KLHL13: variants seen among roughly 807,000 people sequenced by gnomAD.
The protein encoded by KLHL13 is kelch like family member 13, also known as kelch-like protein 13.
In KLHL13, 10 loss-of-function variants were observed where a neutral mutation model predicts 37.1. The observed-to-expected ratio is 0.27, with a 90% CI of 0.17 to 0.46. The LOEUF is 0.46. Among genes scored for constraint, KLHL13 ranks in the 20% least tolerant of loss-of-function variants. KLHL13 has a pLI of 1.00. For missense variants in KLHL13, 360 were observed against 509.3 expected (o/e 0.71, Z 2.82); for synonymous variants, 163 against 181.2 (o/e 0.90, Z 0.81).
chrX:117,996,365 CCT>C (rs1378467630), intron 1 of KLHL13, among the ~76,000 whole-genome samples: 2 of 111,212 alleles, frequency 1.8e-5, no homozygotes, highest in Admixed American at 1.9e-4. Context: ...AAAATCATCC[CCT>C]AATAAGATTT....
intron 1 of KLHL13, among the ~76,000 whole-genome samples, chrX:118,056,553 C>A (rs1178604925): frequency 1.8e-5 from 2 of 111,718 alleles, no homozygotes; most frequent in Non-Finnish European, 3.8e-5. Flanking sequence ...AAAAAAATAC[C>A]TTTTTACCCT....
At chrX:118,109,077 A>G (rs1602731655) in intron 1 of KLHL13, among the ~76,000 whole-genome samples, 1 of 112,116 alleles carries the variant, frequency 8.9e-6, no homozygotes. Flanking sequence ...AGGCGTCCCA[A>G]AGTGTTGGGA....
At chrX:117,987,721 G>A (rs1376802400) in intron 1 of KLHL13, among the ~76,000 whole-genome samples, 1 of 112,028 alleles carries the variant, frequency 8.9e-6, no homozygotes, top group African/African-American at 3.2e-5. Context: ...TGGATTAAAA[G>A]ATTCTGCCAA....
chrX:118,019,056 G>A (rs1356852916), intron 1 of KLHL13, among the ~76,000 whole-genome samples: 3 of 110,333 alleles, frequency 2.7e-5, no homozygotes, highest in Non-Finnish European at 5.7e-5. Context: ...CTTTTTGTGT[G>A]GTAAGAACAT....
chrX:118,021,923 C>T (rs1432483112), intron 1 of KLHL13, among the ~76,000 whole-genome samples: 1 of 111,735 alleles, frequency 8.9e-6, no homozygotes, highest in Non-Finnish European at 1.9e-5. Context: ...TTAATGATCG[C>T]CATTCTAACT....
chrX:117,966,495 T>C (rs1482395567), intron 1 of KLHL13, among the ~76,000 whole-genome samples: 1 of 111,208 alleles, frequency 9.0e-6, no homozygotes, highest in African/African-American at 3.3e-5. Flanking sequence ...CAACATAATT[T>C]ATAGATTCAA....
At position 118,031,552 on chromosome X, in the gene KLHL13, ATATT is replaced by A. The variant is rs1413952694; in HGVS notation, c.-56+84952_-56+84955del. 1.3e-3 allele frequency among the ~76,000 whole-genome samples: 115 copies of A among 87,187 alleles called. 2 individuals carry two copies. The highest frequency in any genetic ancestry group is 5.2e-3 in the African/African-American group (115 of 22,076). 75.7% of individuals were successfully genotyped at this position (87,187 alleles called of 115,157 possible). A position where few individuals can be genotyped will look rare whatever the true frequency, so the allele number is the denominator to read the frequency against. On this transcript the variant is annotated intron_variant, in intron 1 of 6. Coordinates refer to the KLHL13 transcript ENST00000371882. ...AGTTATATATATATTAGTTATATAT[ATATT>A]TAGTTATATATATATTAGTTATATA...
intron 1 of KLHL13, among the ~76,000 whole-genome samples, chrX:118,103,626 G>T (rs1031446702): frequency 2.7e-5 from 3 of 111,576 alleles, no homozygotes; most frequent in African/African-American, 9.8e-5. Context: ...ATTTAATTAT[G>T]TCTGAAGGTC....
At chrX:117,930,261 G>A (rs1932356007) in intron 2 of KLHL13, among the ~76,000 whole-genome samples, 1 of 92,566 alleles carries the variant, frequency 1.1e-5, no homozygotes, top group Admixed American at 1.1e-4. Flanking sequence ...AGGAAGGAAG[G>A]AAGGAAGGAA....
chrX:117,962,073 T>C (rs1220123071), intron 1 of KLHL13, among the ~76,000 whole-genome samples: 4 of 89,690 alleles, frequency 4.5e-5, no homozygotes, highest in Non-Finnish European at 8.3e-5. Context: ...AAGCTGGGTG[T>C]GGTGATGCGT....
intron 5 of KLHL13, among the ~76,000 whole-genome samples, chrX:117,903,672 G>C (rs1204351608): frequency 1.8e-5 from 2 of 110,607 alleles, no homozygotes; most frequent in Non-Finnish European, 3.8e-5. Flanking sequence ...AAAACCTAGT[G>C]CATTGATTGG....
At chrX:118,082,181 C>G (rs1419306888) in intron 1 of KLHL13, among the ~76,000 whole-genome samples, 1 of 110,481 alleles carries the variant, frequency 9.1e-6, no homozygotes, top group Non-Finnish European at 1.9e-5. Flanking sequence ...TTTTTAGGAA[C>G]CTTCACACTA....
chrX:117,960,366 TTC>T (rs2053274567), intron 1 of KLHL13, among the ~76,000 whole-genome samples: 2 of 111,752 alleles, frequency 1.8e-5, no homozygotes, highest in South Asian at 7.6e-4. Context: ...GAAATGCCAC[TTC>T]TGAGGCCATA....
intron 1 of KLHL13, among the ~76,000 whole-genome samples, chrX:118,049,267 A>C (rs2054590451): frequency 8.9e-6 from 1 of 112,020 alleles, no homozygotes; most frequent in Non-Finnish European, 1.9e-5. Flanking sequence ...AACTGACAGA[A>C]AGGATTAGTG....
At chrX:117,938,253 T>C (rs1012059290) in intron 2 of KLHL13, among the ~76,000 whole-genome samples, 6 of 111,703 alleles carry the variant, frequency 5.4e-5, no homozygotes, top group African/African-American at 2.0e-4. Flanking sequence ...ACATATTTCA[T>C]GCAACGATTC....
intron 6 of KLHL13, among the ~76,000 whole-genome samples, chrX:117,900,414 C>T (rs1304643650): frequency 8.9e-6 from 1 of 111,909 alleles, no homozygotes; most frequent in Non-Finnish European, 1.9e-5. Flanking sequence ...CAATATACGC[C>T]AGTTATGCCA....
intron 1 of KLHL13, among the ~76,000 whole-genome samples, chrX:118,026,466 A>G (rs2054275796): frequency 8.9e-6 from 1 of 111,791 alleles, no homozygotes; most frequent in South Asian, 3.7e-4. Context: ...TCAAAGCAAC[A>G]TGAATTCTGC....
intron 1 of KLHL13, among the ~76,000 whole-genome samples, chrX:118,069,881 TG>T (rs1314842778): frequency 2.7e-5 from 3 of 112,198 alleles, no homozygotes; most frequent in African/African-American, 9.7e-5. Flanking sequence ...TCTCACTGAC[TG>T]ACACCCATAA....
At chrX:118,061,147 G>A (rs2054736674) in intron 1 of KLHL13, among the ~76,000 whole-genome samples, 1 of 111,684 alleles carries the variant, frequency 9.0e-6, no homozygotes, top group Admixed American at 9.6e-5. Flanking sequence ...TTAACCTTAA[G>A]TGTTTTTAAA....
Sources: allele counts gnomAD v4.1 joint callset (sites outside exome capture counted in the v4.1 genomes callset), GRCh38; gene constraint gnomAD v4.1.1; transcripts MANE v1.5; gene names NCBI Gene and HGNC (gene_info 2026-07-23, HGNC 2026-07-21).